Variants in EML5 observed in about 807,000 individuals in gnomAD.
EML5 encodes EMAP like 5, also known as echinoderm microtubule-associated protein-like 5.
EML5 carries 120 observed loss-of-function variants against 250.0 expected under a neutral mutation model. That is an observed-to-expected ratio of 0.48 (90% CI 0.41 to 0.56). The LOEUF is 0.56. Among genes scored for constraint, EML5 ranks in the 20% least tolerant of loss-of-function variants. The pLI, the probability that EML5 is intolerant of heterozygous loss-of-function variation, is 0.00. For missense variants in EML5, 2,006 were observed against 2,437.6 expected (o/e 0.82, Z 3.73); for synonymous variants, 771 against 806.5 (o/e 0.96, Z 0.75).
rs2092882481 is a variant in EML5 at position 88,688,305 on chromosome 14, T to A, written c.2708A>T (p.Asp903Val). The A allele has an allele frequency of 6.2e-7, 1 of 1,613,864 alleles. No individual in the cohort carries two copies. Among genetic ancestry groups the A allele is most frequent in the African/African-American group, 1.3e-5 (1 of 74,932 alleles). The change falls in exon 18 of 44, where the codon GAT (aspartate) becomes GTT (valine). Residue 903 changes from aspartate to valine, a missense_variant. By Grantham distance (152) the Asp-to-Val change is radical. Around this residue, in one of 7 missense-constraint regions of EML5, gnomAD observed 1,375 missense variants for 1,590.3 expected, o/e 0.86. Coordinates refer to ENST00000554922, the MANE Select transcript of EML5 (RefSeq NM_183387.3). Reference protein sequence around the residue: ...IFLVKTVKAHDGPVFSMHALE... With the variant: ...IFLVKTVKAHVGPVFSMHALE... ...TGCATGCATACTGAACACTGGCCCA[T>A]CATGCGCTTTCACTGTTTTTACAAG...
chr14:88,681,893 T>C lies in EML5; in HGVS notation c.3121A>G (p.Lys1041Glu). 1 of 1,605,716 alleles carries C rather than the reference T, an allele frequency of 6.2e-7. No homozygotes were observed. The highest frequency in any genetic ancestry group is 1.1e-5 in the South Asian group (1 of 89,090). The change falls in exon 21 of 44, where the codon AAG (lysine) becomes GAG (glutamate). Residue 1041 changes from lysine to glutamate, a missense_variant. Lys to Glu is a moderately conservative substitution (Grantham distance 56). Transcript: ENST00000554922. The part of the protein sequence containing the change: ...HCMLAVRKLK[K>E]GGRCCCFSPD... ...TTCAAGTGTGAGAGCCTCTTACCCTTTTTCAGCTTCCGGACAGCCAACATA... is the reference window on the plus strand; with the variant it reads ...TTCAAGTGTGAGAGCCTCTTACCCTCTTTCAGCTTCCGGACAGCCAACATA...
Position 88,726,668 on chromosome 14 carries a change from G to A in EML5, c.1060C>T (p.Leu354=). Residue 354 remains leucine, a synonymous_variant, in exon 8 of 44, where the codon CTA becomes TTA. Transcript: ENST00000554922. The part of the protein sequence containing the change: ...SDDRSVRIWS[L]VDHALIARCN... ...CTTGCTATTAATGCATGATCTACTA[G>A]GCTCCATATCCTGTAAAATTTAATT... is the stretch of plus-strand genomic sequence containing the variant. The A allele has an allele frequency of 1.3e-6, 2 of 1,550,078 alleles. No homozygotes were observed. The highest frequency in any genetic ancestry group is 1.7e-6 in the Non-Finnish European group (2 of 1,146,320).
intron 39 of EML5, chr14:88,619,901 G>A (rs1254380377): frequency 6.6e-6 from 1 of 152,254 alleles, no homozygotes; most frequent in African/African-American, 2.4e-5. Flanking sequence ...CTGACTTCAG[G>A]TGATCTGCCT....
rs187934921 is a variant in EML5 at position 88,669,672 on chromosome 14, G to A, written c.3125-4183C>T. On this transcript the variant is annotated intron_variant, in intron 21 of 43. Transcript: ENST00000554922. ...CTTAGTCTTTCCCTCTACCAGCTCT[G>A]AGGAATCTGGGCAGTCAGGACAAGT... Among the ~76,000 whole-genome samples the A allele has an allele frequency of 3.3e-5, 5 of 152,320 alleles. No individual in the cohort carries two copies. In the East Asian group the frequency reaches 9.7e-4, roughly 30 times the overall value.
In EML5 at chr14:88,729,822, A is replaced by G. The variant is rs1266770897; in HGVS notation, c.1050-3144T>C. ...GTGATCCACCTGCCTCAGTCTCCCA[A>G]AGTACTGGGATTACAGGCATAAGCC... On this transcript the variant is annotated intron_variant, in intron 7 of 43. Transcript: ENST00000554922. Among the ~76,000 whole-genome samples the G allele has an allele frequency of 2.6e-5, 4 of 151,490 alleles. No individual in the cohort carries two copies. In the East Asian group the frequency reaches 7.8e-4, roughly 29 times the overall value.
chr14:88,677,455 A>T (rs1247942624), intron 21 of EML5, among the ~76,000 whole-genome samples: 1 of 152,236 alleles, frequency 6.6e-6, no homozygotes, highest in Non-Finnish European at 1.5e-5. Context: ...GGCAAATGGG[A>T]TCTAATTAAA....
chr14:88,649,212 T>C (rs7147032), intron 28 of EML5, among the ~76,000 whole-genome samples: 1 of 152,042 alleles, frequency 6.6e-6, no homozygotes, highest in African/African-American at 2.4e-5. Flanking sequence ...TTACTTTTAT[T>C]TTTTGTAGAG....
intron 32 of EML5, among the ~76,000 whole-genome samples, chr14:88,638,309 A>G (rs907935077): frequency 1.3e-5 from 2 of 152,212 alleles, no homozygotes; most frequent in African/African-American, 4.8e-5. Flanking sequence ...AGCTCAAGAC[A>G]GTTGGTGAAT....
chr14:88,633,218 CATTT>C (rs778393244), intron 33 of EML5, among the ~76,000 whole-genome samples: 2 of 152,176 alleles, frequency 1.3e-5, no homozygotes, highest in African/African-American at 2.4e-5. Flanking sequence ...GCCATCATCT[CATTT>C]ATTGTTTTTA....
chr14:88,654,375 T>C (rs2091777660), intron 27 of EML5, among the ~76,000 whole-genome samples: 2 of 152,186 alleles, frequency 1.3e-5, no homozygotes, highest in African/African-American at 4.8e-5. Context: ...GATGTTAGGA[T>C]GTTGATTTTA....
In EML5 at chr14:88,622,418, T is replaced by C. The variant is rs114989285; in HGVS notation, c.5013+186A>G. The C allele has an allele frequency of 5.3e-3, 2,369 of 445,956 alleles. 40 individuals carry two copies. Among genetic ancestry groups the C allele is most frequent in the African/African-American group, 0.044 (2,172 of 49,714 alleles). 27.6% of individuals were successfully genotyped at this position (445,956 alleles called of 1,614,324 possible). A position where few individuals can be genotyped will look rare whatever the true frequency, so the allele number is the denominator to read the frequency against. On this transcript the variant is annotated intron_variant, in intron 37 of 43. Transcript: ENST00000554922. The stretch of plus-strand genomic sequence containing the variant: ...ACAGTATTTAGACAGAATAGCTTCC[T>C]AGCTTATGCACCACACTGGTGCTAA...
chr14:88,651,054 T>C (rs1193093648), intron 27 of EML5, among the ~76,000 whole-genome samples: 1 of 152,120 alleles, frequency 6.6e-6, no homozygotes, highest in Non-Finnish European at 1.5e-5. Context: ...ATATTCTAAG[T>C]TGGTAAAAGA....
chr14:88,615,722 G>T lies in EML5; in HGVS notation c.*96C>A. ...GGGCATTTCTCCCTGTTACAGTCTT[G>T]GGTTAGCACCACTTGACCATGCAGG... On this transcript the variant is annotated 3_prime_UTR_variant, in exon 44 of 44. Coordinates refer to ENST00000554922, the MANE Select transcript of EML5 (RefSeq NM_183387.3). 2 of 1,132,090 alleles carry T rather than the reference G, an allele frequency of 1.8e-6. No homozygotes were observed. The highest frequency in any genetic ancestry group is 2.6e-6 in the Non-Finnish European group (2 of 784,248). The allele number at this position is 1,132,090 out of a possible 1,614,324, so 70.1% of individuals were successfully genotyped here.
intron 21 of EML5, 25 bp from the exon 22 acceptor site, chr14:88,665,514 C>T (rs949147680): frequency 1.2e-6 from 2 of 1,612,802 alleles, no homozygotes; most frequent in Admixed American, 3.3e-5. Context: ...GCATATTAGG[C>T]AATTTTCCCT....
intron 7 of EML5, among the ~76,000 whole-genome samples, chr14:88,727,038 T>TTTGTTGTTG (rs74278116): frequency 2.0e-5 from 3 of 151,360 alleles, no homozygotes; most frequent in African/African-American, 7.3e-5. Context: ...CTGGCTATGT[T>TTTGTTGTTG]TTGTTGTTGT....
intron 1 of EML5, among the ~76,000 whole-genome samples, chr14:88,781,606 G>A (rs1215098345): frequency 6.6e-6 from 1 of 152,132 alleles, no homozygotes; most frequent in African/African-American, 2.4e-5. Context: ...ATAATCCCCA[G>A]ACATGGGAGG....
At chr14:88,697,321 A>G (rs1442253399) in intron 14 of EML5, among the ~76,000 whole-genome samples, 3 of 152,228 alleles carry the variant, frequency 2.0e-5, no homozygotes, top group Non-Finnish European at 4.4e-5. Context: ...ATTATCAATG[A>G]AAGACAAACA....
intron 1 of EML5, among the ~76,000 whole-genome samples, chr14:88,764,368 T>C (rs1437065613): frequency 6.6e-6 from 1 of 152,206 alleles, no homozygotes; most frequent in African/African-American, 2.4e-5. Flanking sequence ...TTTGAGGGAA[T>C]AGTTCATTTC....
At chr14:88,730,063 A>G (rs910038889) in intron 7 of EML5, among the ~76,000 whole-genome samples, 3 of 152,098 alleles carry the variant, frequency 2.0e-5, no homozygotes, top group Non-Finnish European at 4.4e-5. Flanking sequence ...CTGTATTACC[A>G]TATAGTGACA....
Sources: gnomAD v4.1 joint callset for allele counts (sites outside exome capture counted in the v4.1 genomes callset) on GRCh38, gnomAD v4.1.1 for gene constraint, gnomAD v4.1.1 regional missense constraint, MANE v1.5 for transcripts, NCBI Gene and HGNC (gene_info 2026-07-23, HGNC 2026-07-21) for gene names.